The following GRIN2A variants were observed in gnomAD, a reference collection of about 807,000 sequenced individuals.
GRIN2A encodes the protein glutamate receptor ionotropic, NMDA 2A.
GRIN2A carries 22 observed loss-of-function variants against 113.4 expected under a neutral mutation model. The ratio of observed to expected loss-of-function variants is 0.19; its 90% CI spans 0.14 to 0.28. GRIN2A has a LOEUF of 0.28. GRIN2A is among the 10% of genes least tolerant of loss of function. The pLI is 1.00. For synonymous variants in GRIN2A, 827 were observed against 738.4 expected, an observed-to-expected ratio of 1.12 and a Z score of -1.94; for missense variants, 1,502 against 1,887.0, an observed-to-expected ratio of 0.80 and a Z score of 3.78.
chr16:9,799,964 A>ATATTATTGTTATTATTATTATTATTAT (rs1018152206), intron 10 of GRIN2A, among the ~76,000 whole-genome samples: 24 of 149,704 alleles, frequency 1.6e-4, no homozygotes, highest in African/African-American at 4.7e-4. Context: ...CTGTGCCTAA[A>ATATTATTGTTATTATTATTATTATTAT]TATTATTATT....
intron 2 of GRIN2A, chr16:10,112,524 C>G (rs973872740): frequency 2.4e-6 from 2 of 827,254 alleles, no homozygotes; most frequent in African/African-American, 3.3e-5. Flanking sequence ...GGAGCCTCCA[C>G]AGTGATGATG....
chr16:9,976,224 A>C (rs1232967806), intron 2 of GRIN2A, among the ~76,000 whole-genome samples: 1 of 152,224 alleles, frequency 6.6e-6, no homozygotes, highest in Admixed American at 6.5e-5. Flanking sequence ...CATATCATTA[A>C]ATCCTGGCCA....
chr16:10,076,838 G>C (rs1272620153), intron 2 of GRIN2A, among the ~76,000 whole-genome samples: 4 of 152,208 alleles, frequency 2.6e-5, no homozygotes, highest in Admixed American at 2.6e-4. Context: ...GTGTGTAGTA[G>C]GCAGAGCACT....
At chr16:10,084,821 G>A (rs1282226444) in intron 2 of GRIN2A, among the ~76,000 whole-genome samples, 2 of 151,828 alleles carry the variant, frequency 1.3e-5, no homozygotes, top group East Asian at 3.9e-4. Flanking sequence ...AAAGGATATG[G>A]AGTGAGCTTA....
At chr16:10,113,610 T>A (rs141376476) in intron 2 of GRIN2A, among the ~76,000 whole-genome samples, 19 of 152,330 alleles carry the variant, frequency 1.2e-4, no homozygotes, top group African/African-American at 4.3e-4. Flanking sequence ...TACAGAGATT[T>A]TGATAGTAAG....
chr16:10,104,957 T>G (rs538642500), intron 2 of GRIN2A, among the ~76,000 whole-genome samples: 1 of 152,144 alleles, frequency 6.6e-6, no homozygotes, highest in South Asian at 2.1e-4. Flanking sequence ...GTGCTAAATG[T>G]TACGAGAGTG....
rs367903621 is a variant in GRIN2A at position 9,894,092 on chromosome 16, G to C, written c.1008-2992C>G. 7.2e-5 allele frequency among the ~76,000 whole-genome samples: 11 copies of C among 152,178 alleles called. 1 individual carries two copies. In the East Asian group the frequency reaches 1.5e-3, roughly 21 times the overall value. ...GAGGGCTTCCCAGGGAATCTTAATGGGTGAAGGGGTTGAGGCAGGAGAAAG... is the reference window on the plus strand; with the variant it reads ...GAGGGCTTCCCAGGGAATCTTAATGCGTGAAGGGGTTGAGGCAGGAGAAAG... On this transcript the variant is annotated intron_variant, in intron 3 of 12. Transcript: ENST00000330684.
At chr16:9,779,614 C>T in intron 11 of GRIN2A, among the ~76,000 whole-genome samples, 1 of 152,146 alleles carries the variant, frequency 6.6e-6, no homozygotes, top group Admixed American at 6.5e-5. Flanking sequence ...AGAAGGGACC[C>T]TATATCAGCT....
chr16:10,154,053 C>T (rs114867446), intron 2 of GRIN2A, among the ~76,000 whole-genome samples: 1 of 152,276 alleles, frequency 6.6e-6, no homozygotes, highest in African/African-American at 2.4e-5. Context: ...TCCAGTTTTC[C>T]TCTCGTTCCA....
intron 7 of GRIN2A, among the ~76,000 whole-genome samples, chr16:9,840,297 A>G (rs913518306): frequency 4.6e-5 from 7 of 152,062 alleles, no homozygotes; most frequent in Non-Finnish European, 8.8e-5. Context: ...GCCCCTTATT[A>G]AACCCCTTAT....
Position 9,887,952 on chromosome 16 carries a change from G to C in GRIN2A, c.1122+3034C>G, listed in dbSNP as rs182318391. On this transcript the variant is annotated intron_variant, in intron 4 of 12. Coordinates refer to ENST00000330684, the MANE Select transcript of GRIN2A (RefSeq NM_001134407.3). ...CATGCCTGTAATCCCAGCTACTCAG[G>C]GGGGCTGAGGTGGAGTCTCGTTCTC... Among the ~76,000 whole-genome samples the C allele has an allele frequency of 3.1e-3, 466 of 152,234 alleles. 1 individual carries two copies. The highest frequency in any genetic ancestry group is 0.01 in the African/African-American group (432 of 41,544).
At chr16:9,934,290 G>A (rs1351152923) in intron 3 of GRIN2A, among the ~76,000 whole-genome samples, 1 of 152,116 alleles carries the variant, frequency 6.6e-6, no homozygotes, top group Non-Finnish European at 1.5e-5. Context: ...CAGACTGTAT[G>A]GTGTTTGAGG....
chr16:10,017,894 C>T (rs1424092176), intron 2 of GRIN2A, among the ~76,000 whole-genome samples: 3 of 152,096 alleles, frequency 2.0e-5, no homozygotes, highest in Non-Finnish European at 4.4e-5. Context: ...TAGTCTCAGC[C>T]CTGCTGGATC....
At chr16:10,091,086 T>C (rs565934801) in intron 2 of GRIN2A, among the ~76,000 whole-genome samples, 5 of 152,326 alleles carry the variant, frequency 3.3e-5, no homozygotes, top group African/African-American at 1.2e-4. Flanking sequence ...CCCTTGTACA[T>C]TGCTGATGGC....
chr16:9,860,147 T>C (rs1177273549), intron 4 of GRIN2A, among the ~76,000 whole-genome samples: 1 of 151,840 alleles, frequency 6.6e-6, no homozygotes, highest in East Asian at 1.9e-4. Flanking sequence ...AAAAAATGCT[T>C]CTAACAGGAA....
At chr16:9,866,230 C>T (rs1043214812) in intron 4 of GRIN2A, among the ~76,000 whole-genome samples, 2 of 152,112 alleles carry the variant, frequency 1.3e-5, no homozygotes, top group African/African-American at 4.8e-5. Context: ...CAGAGGGCTT[C>T]AGAAGTGAGA....
chr16:9,783,402 A>T (rs759250807), intron 11 of GRIN2A, among the ~76,000 whole-genome samples: 1 of 152,194 alleles, frequency 6.6e-6, no homozygotes, highest in Admixed American at 6.5e-5. Context: ...TATTTTTAAC[A>T]CTGTTATTAT....
chr16:9,796,004 C>A (rs141087777), intron 11 of GRIN2A, among the ~76,000 whole-genome samples: 7 of 152,280 alleles, frequency 4.6e-5, no homozygotes, highest in African/African-American at 1.7e-4. Context: ...CTCTGAGATT[C>A]AATTTCCTCC....
At chr16:9,840,141 G>C (rs2042648040) in intron 7 of GRIN2A, among the ~76,000 whole-genome samples, 1 of 152,058 alleles carries the variant, frequency 6.6e-6, no homozygotes, top group South Asian at 2.1e-4. Context: ...GTCTGAGATT[G>C]GGTAAATTTA....
Sources: gnomAD v4.1 joint callset for allele counts (sites outside exome capture counted in the v4.1 genomes callset) on GRCh38, gnomAD v4.1.1 for gene constraint, MANE v1.5 for transcripts, NCBI Gene and HGNC (gene_info 2026-07-23, HGNC 2026-07-21) for gene names.